VAT1L: variants seen among roughly 807,000 people sequenced by gnomAD.
VAT1L encodes the protein putative NADPH-dependent quinone oxidoreductase VAT1L.
A neutral mutation model predicts 44.1 loss-of-function variants in VAT1L; 34 were observed. The ratio of observed to expected loss-of-function variants is 0.77; its 90% CI spans 0.59 to 1.03. The LOEUF (loss-of-function observed/expected upper bound fraction) is 1.03. Ranked by LOEUF, VAT1L falls within the 50% of genes least tolerant of loss-of-function variation. The pLI is 0.00. For synonymous variants in VAT1L, 253 were observed against 202.2 expected (o/e 1.25, Z -2.13); for missense variants, 615 against 538.8 (o/e 1.14, Z -1.40).
intron 3 of VAT1L, among the ~76,000 whole-genome samples, chr16:77,847,835 A>T (rs1179145208): frequency 6.6e-6 from 1 of 152,178 alleles, no homozygotes; most frequent in African/African-American, 2.4e-5. Context: ...TTGAATTTTT[A>T]TCAGTCAAGT....
intron 7 of VAT1L, among the ~76,000 whole-genome samples, chr16:77,901,181 T>C (rs1486207289): frequency 9.2e-6 from 1 of 108,332 alleles, no homozygotes; most frequent in Admixed American, 1.1e-4. Flanking sequence ...TTTTTTTTTT[T>C]TTAAGACAGT....
intron 7 of VAT1L, among the ~76,000 whole-genome samples, chr16:77,896,034 A>G (rs1159268793): frequency 6.6e-6 from 1 of 152,238 alleles, no homozygotes; most frequent in African/African-American, 2.4e-5. Context: ...AAGGTTCATC[A>G]GGCTGAGCAC....
intron 1 of VAT1L, among the ~76,000 whole-genome samples, chr16:77,790,005 C>T (rs1249593136): frequency 2.0e-5 from 3 of 152,148 alleles, no homozygotes; most frequent in African/African-American, 4.8e-5. Flanking sequence ...TTTTCTAGAG[C>T]CCCCCAGTAC....
intron 7 of VAT1L, among the ~76,000 whole-genome samples, chr16:77,901,864 C>T (rs2017387230): frequency 1.3e-5 from 2 of 152,150 alleles, no homozygotes; most frequent in Non-Finnish European, 2.9e-5. Flanking sequence ...ATTTCAAGAA[C>T]AACTGTCAGT....
At chr16:77,896,709 T>G (rs1331799797) in intron 7 of VAT1L, among the ~76,000 whole-genome samples, 2 of 151,530 alleles carry the variant, frequency 1.3e-5, no homozygotes, top group Admixed American at 6.6e-5. Flanking sequence ...AGCAGACAAC[T>G]TCATCTACAC....
At chr16:77,960,829 G>T (rs1009568223) in intron 7 of VAT1L, among the ~76,000 whole-genome samples, 1 of 152,018 alleles carries the variant, frequency 6.6e-6, no homozygotes, top group Non-Finnish European at 1.5e-5. Flanking sequence ...AGACAGTAAT[G>T]ACTATAACTA....
intron 3 of VAT1L, among the ~76,000 whole-genome samples, chr16:77,844,806 T>TAC (rs902506756): frequency 6.6e-6 from 1 of 152,012 alleles, no homozygotes; most frequent in African/African-American, 2.4e-5. Context: ...TGGCTATATA[T>TAC]ACACACAAAC....
At chr16:77,949,959 T>C (rs1175440838) in intron 7 of VAT1L, among the ~76,000 whole-genome samples, 2 of 152,228 alleles carry the variant, frequency 1.3e-5, no homozygotes, top group Admixed American at 6.5e-5. Flanking sequence ...TAATGAAAGA[T>C]TCCAGATGAC....
intron 4 of VAT1L, among the ~76,000 whole-genome samples, chr16:77,875,470 G>GC (rs1443603004): frequency 6.6e-6 from 1 of 152,196 alleles, no homozygotes; most frequent in African/African-American, 2.4e-5. Flanking sequence ...GCAGGGATCT[G>GC]CCAGAATAGG....
intron 5 of VAT1L, among the ~76,000 whole-genome samples, chr16:77,878,264 AC>A (rs1170432737): frequency 6.6e-6 from 1 of 152,214 alleles, no homozygotes; most frequent in South Asian, 2.1e-4. Flanking sequence ...AACCACAGTT[AC>A]TTTTGCACCA....
In VAT1L at chr16:77,832,531, C is replaced by T. The variant is rs187538435; in HGVS notation, c.579+7070C>T. ...CCGGGCTCAGATGAGATTTTCTTGACAGGCATCCAGCTAAGACATTTGGGG... is the reference window on the plus strand; with the variant it reads ...CCGGGCTCAGATGAGATTTTCTTGATAGGCATCCAGCTAAGACATTTGGGG... On this transcript the variant is annotated intron_variant, in intron 3 of 8. Coordinates refer to ENST00000302536, the MANE Select transcript of VAT1L (RefSeq NM_020927.3). 3.6e-3 allele frequency among the ~76,000 whole-genome samples: 545 copies of T among 152,264 alleles called. 4 individuals carry two copies. Among genetic ancestry groups the T allele is most frequent in the African/African-American group, 0.013 (533 of 41,564 alleles).
At chr16:77,855,027 T>G (rs2016843791) in intron 3 of VAT1L, among the ~76,000 whole-genome samples, 1 of 152,082 alleles carries the variant, frequency 6.6e-6, no homozygotes, top group Admixed American at 6.6e-5. Context: ...CAGAGATCAT[T>G]AAGTCCAAGT....
intron 7 of VAT1L, among the ~76,000 whole-genome samples, chr16:77,906,452 T>A (rs1010443960): frequency 1.3e-5 from 2 of 152,276 alleles, no homozygotes; most frequent in East Asian, 1.9e-4. Context: ...ATGTCAACAC[T>A]TAGTTTGGGA....
At chr16:77,854,052 C>T (rs1026337179) in intron 3 of VAT1L, among the ~76,000 whole-genome samples, 12 of 151,776 alleles carry the variant, frequency 7.9e-5, no homozygotes, top group African/African-American at 2.7e-4. Flanking sequence ...CTCTTGAACC[C>T]GGGAGGTGGA....
intron 7 of VAT1L, among the ~76,000 whole-genome samples, chr16:77,954,444 G>C (rs1019368631): frequency 6.6e-6 from 1 of 152,116 alleles, no homozygotes; most frequent in Non-Finnish European, 1.5e-5. Context: ...GACCAACATG[G>C]TGAAACCCGG....
chr16:77,895,013 A>G (rs2017307186), intron 7 of VAT1L, among the ~76,000 whole-genome samples: 1 of 151,820 alleles, frequency 6.6e-6, no homozygotes, highest in African/African-American at 2.4e-5. Flanking sequence ...AGGTCCCTAC[A>G]CTTCATTTTT....
intron 7 of VAT1L, among the ~76,000 whole-genome samples, chr16:77,891,430 T>C (rs2017264937): frequency 6.6e-6 from 1 of 152,250 alleles, no homozygotes; most frequent in African/African-American, 2.4e-5. Flanking sequence ...AGCACAGCTA[T>C]AGAACTGTTC....
intron 7 of VAT1L, among the ~76,000 whole-genome samples, chr16:77,946,279 C>CTTTTGTTTTTTTTTTTTT (rs1555521583): frequency 1.4e-5 from 1 of 70,426 alleles, no homozygotes; most frequent in Non-Finnish European, 2.5e-5. Flanking sequence ...GTTACTTGTT[C>CTTTTGTTTTTTTTTTTTT]TTTTTTTTTT....
At chr16:77,844,476 T>C (rs2016738639) in intron 3 of VAT1L, among the ~76,000 whole-genome samples, 1 of 152,168 alleles carries the variant, frequency 6.6e-6, no homozygotes, top group African/African-American at 2.4e-5. Context: ...TGGCGCTATC[T>C]CAGCTCCCTG....
Sources: gnomAD v4.1 joint callset for allele counts (sites outside exome capture counted in the v4.1 genomes callset) on GRCh38, gnomAD v4.1.1 for gene constraint, MANE v1.5 for transcripts, NCBI Gene and HGNC (gene_info 2026-07-23, HGNC 2026-07-21) for gene names.